CFAP263: variants seen among roughly 807,000 people sequenced by gnomAD.
CFAP263 encodes cilia and flagella associated protein 263.
chr16:58,279,650 C>T, the CFAP263 span: 2 of 1,510,548 alleles, frequency 1.3e-6, no homozygotes, highest in Non-Finnish European at 1.8e-6. Context: ...CCCCCATCTC[C>T]TTTATCATTT....
At chr16:58,252,780 C>T in the CFAP263 span, 1 of 1,613,256 alleles carries the variant, frequency 6.2e-7, no homozygotes, top group Non-Finnish European at 8.5e-7. Flanking sequence ...AAATATTACG[C>T]TAAACTGGAG....
At chr16:58,278,420 G>A in the CFAP263 span, 3 of 1,503,346 alleles carry the variant, frequency 2.0e-6, no homozygotes, top group East Asian at 6.8e-5. Flanking sequence ...GGCAGGGCCA[G>A]TGAGTTCTCA....
At chr16:58,272,933 G>A in the CFAP263 span, among the ~76,000 whole-genome samples, 1 of 152,088 alleles carries the variant, frequency 6.6e-6, no homozygotes, top group Non-Finnish European at 1.5e-5. Context: ...TGTGTTGATT[G>A]TTTGCTTTCA....
chr16:58,258,424 G>A, the CFAP263 span: 6 of 1,613,954 alleles, frequency 3.7e-6, no homozygotes, highest in South Asian at 1.1e-5. Flanking sequence ...AAGTGCATGA[G>A]TTTGAAAAAG....
the CFAP263 span, chr16:58,250,023 T>A: frequency 6.3e-7 from 1 of 1,591,690 alleles, no homozygotes; most frequent in Non-Finnish European, 8.6e-7. Context: ...TGATGACTGA[T>A]GATGAGTCCG....
the CFAP263 span, among the ~76,000 whole-genome samples, chr16:58,270,360 G>A: frequency 1.3e-5 from 2 of 152,046 alleles, no homozygotes; most frequent in African/African-American, 4.8e-5. Context: ...ATAGGATGTT[G>A]AATGTCCCAT....
At chr16:58,260,905 G>A in the CFAP263 span, among the ~76,000 whole-genome samples, 1 of 152,154 alleles carries the variant, frequency 6.6e-6, no homozygotes, top group Non-Finnish European at 1.5e-5. Context: ...TATCTGTTCA[G>A]GTACAGGATG....
At chr16:58,262,804 T>TAGAC in the CFAP263 span, among the ~76,000 whole-genome samples, 17 of 151,422 alleles carry the variant, frequency 1.1e-4, no homozygotes, top group Non-Finnish European at 2.4e-4. Flanking sequence ...GATAGATAGA[T>TAGAC]AGACAGATGC....
the CFAP263 span, among the ~76,000 whole-genome samples, chr16:58,256,761 G>A: frequency 1.3e-5 from 2 of 152,054 alleles, no homozygotes; most frequent in Admixed American, 6.6e-5. Context: ...TTGCCTCTTG[G>A]TGTTCAGAAA....
At chr16:58,279,955 C>T in the CFAP263 span, 1 of 626,792 alleles carries the variant, frequency 1.6e-6, no homozygotes, top group Non-Finnish European at 2.8e-6. Context: ...ACAGCCTGGC[C>T]CCTGGAACTG....
chr16:58,252,324 G>A, the CFAP263 span, among the ~76,000 whole-genome samples: 3 of 151,868 alleles, frequency 2.0e-5, no homozygotes, highest in Non-Finnish European at 2.9e-5. Flanking sequence ...GAGTGCAACA[G>A]AGTAAGACCC....
chr16:58,262,787 A>ATAGATAGATATATAGG, the CFAP263 span, among the ~76,000 whole-genome samples: 1 of 150,350 alleles, frequency 6.7e-6, no homozygotes, highest in Non-Finnish European at 1.5e-5. Flanking sequence ...AGATAGATAG[A>ATAGATAGATATATAGG]TAGATAGATA....
the CFAP263 span, chr16:58,279,902 C>A: frequency 0.69 from 519,453 of 753,962 alleles, 181,343 homozygotes; most frequent in African/African-American, 0.89. Context: ...ACCCAGGCTG[C>A]GTATCATCTC....
At chr16:58,258,291 G>A in the CFAP263 span, 5 of 1,360,370 alleles carry the variant, frequency 3.7e-6, no homozygotes, top group Non-Finnish European at 5.1e-6. Flanking sequence ...AGAGGCCTGG[G>A]AACTTAGGTT....
chr16:58,262,636 C>T, the CFAP263 span: 559 of 1,215,596 alleles, frequency 4.6e-4, no homozygotes, highest in Non-Finnish European at 5.7e-4. Context: ...TTTCACACAG[C>T]GTTTGGGTGC....
the CFAP263 span, among the ~76,000 whole-genome samples, chr16:58,274,778 A>G: frequency 1.3e-5 from 2 of 152,194 alleles, no homozygotes; most frequent in Admixed American, 6.5e-5. Context: ...AGCAGTGTGA[A>G]AACAGACAAA....
At chr16:58,272,696 A>G in the CFAP263 span, among the ~76,000 whole-genome samples, 3 of 151,642 alleles carry the variant, frequency 2.0e-5, no homozygotes, top group Non-Finnish European at 4.4e-5. Context: ...TTGTTGCTCA[A>G]ATTGTTCCAG....
the CFAP263 span, among the ~76,000 whole-genome samples, chr16:58,252,523 A>G: frequency 3.0e-4 from 45 of 152,310 alleles, 2 homozygotes; most frequent in African/African-American, 1.0e-3. Context: ...AGCACTTACT[A>G]TGTGTCAGGC....
At chr16:58,263,774 TCAAGAC>T in the CFAP263 span, among the ~76,000 whole-genome samples, 1 of 152,206 alleles carries the variant, frequency 6.6e-6, no homozygotes, top group African/African-American at 2.4e-5. Flanking sequence ...GGCCAGGAGT[TCAAGAC>T]CAGCCTGGCC....
Sources: allele counts gnomAD v4.1 joint callset (sites outside exome capture counted in the v4.1 genomes callset), GRCh38; gene constraint gnomAD v4.1.1; transcripts MANE v1.5; gene names NCBI Gene and HGNC (gene_info 2026-07-23, HGNC 2026-07-21).